The following DSCAM variants were observed in gnomAD, a reference collection of about 807,000 sequenced individuals.
DSCAM encodes DS cell adhesion molecule.
Under a neutral mutation model 217.7 loss-of-function variants are expected in DSCAM, and 47 were observed. The ratio of observed to expected loss-of-function variants is 0.22; its 90% CI spans 0.17 to 0.28. The LOEUF is 0.28. DSCAM is among the 10% of genes least tolerant of loss of function. DSCAM has a pLI of 1.00. For synonymous variants in DSCAM, 1,056 were observed against 1,015.3 expected (o/e 1.04, Z -0.76); for missense variants, 2,080 against 2,618.3 (o/e 0.79, Z 4.49).
At chr21:40,407,157 A>C (rs553172088) in intron 3 of DSCAM, among the ~76,000 whole-genome samples, 1 of 152,232 alleles carries the variant, frequency 6.6e-6, no homozygotes, top group Non-Finnish European at 1.5e-5. Context: ...ACCACAAAAA[A>C]TGAGTCTGCA....
intron 3 of DSCAM, among the ~76,000 whole-genome samples, chr21:40,591,272 C>T (rs764854309): frequency 8.5e-5 from 13 of 152,146 alleles, no homozygotes; most frequent in Non-Finnish European, 1.8e-4. Context: ...TTATTAATTA[C>T]CCAGTCTGGA....
At chr21:40,317,644 C>A (rs535787234) in intron 8 of DSCAM, among the ~76,000 whole-genome samples, 1 of 152,246 alleles carries the variant, frequency 6.6e-6, no homozygotes, top group Non-Finnish European at 1.5e-5. Context: ...ATTCTCCTGC[C>A]TCAGCCTCCC....
chr21:40,693,661 T>G (rs2090564878), intron 2 of DSCAM, among the ~76,000 whole-genome samples: 1 of 152,158 alleles, frequency 6.6e-6, no homozygotes, highest in African/African-American at 2.4e-5. Flanking sequence ...TTGAGAACTC[T>G]GAGACAATTA....
At chr21:40,705,999 T>C (rs918183145) in intron 2 of DSCAM, among the ~76,000 whole-genome samples, 4 of 151,634 alleles carry the variant, frequency 2.6e-5, no homozygotes, top group Non-Finnish European at 5.9e-5. Flanking sequence ...GCTAACACGG[T>C]GAAACCCCAT....
At chr21:40,028,714 A>G (rs1020717286) in intron 32 of DSCAM, among the ~76,000 whole-genome samples, 4 of 151,988 alleles carry the variant, frequency 2.6e-5, no homozygotes, top group African/African-American at 9.7e-5. Context: ...CGGCTCACGC[A>G]CAGTGTGCGC....
chr21:40,076,469 C>G (rs2089367572), intron 26 of DSCAM, among the ~76,000 whole-genome samples: 1 of 152,184 alleles, frequency 6.6e-6, no homozygotes, highest in South Asian at 2.1e-4. Context: ...ACAATAGAGG[C>G]TATCCATTCA....
intron 11 of DSCAM, among the ~76,000 whole-genome samples, chr21:40,256,074 T>C (rs1380727797): frequency 6.6e-6 from 1 of 152,194 alleles, no homozygotes; most frequent in African/African-American, 2.4e-5. Context: ...AGAAAACTAA[T>C]ACAGAAGGTA....
chr21:40,070,269 GGAGT>G (rs1217502700), intron 27 of DSCAM, among the ~76,000 whole-genome samples: 2 of 136,186 alleles, frequency 1.5e-5, no homozygotes, highest in East Asian at 2.5e-4. Context: ...AGGGAGGGAG[GGAGT>G]GAAGGAGGGA....
chr21:40,242,165 T>TA (rs574680228), intron 11 of DSCAM, among the ~76,000 whole-genome samples: 1,828 of 150,966 alleles, frequency 0.012, 15 homozygotes, highest in Middle Eastern at 0.027. Context: ...TTTTTTTTTT[T>TA]AAAAGAAAGA....
rs1337156908 is a variant in DSCAM at position 40,013,345 on chromosome 21, A to G, written c.5728T>C (p.Leu1910=). Residue 1910 remains leucine (L), a synonymous_variant, in exon 33 of 33, where the codon TTG becomes CTG. Coordinates refer to ENST00000400454, the MANE Select transcript of DSCAM (RefSeq NM_001389.5). ...HLPPYLRMDF[L]LNRGGPGTSR... ...GTGCCTGGACCACCTCGGTTTAACA[A>G]AAAGTCCATTCTAAGGTATGGAGGC... 1 of 1,602,130 alleles carries G rather than the reference A, an allele frequency of 6.2e-7. No individual in the cohort carries two copies. The highest frequency in any genetic ancestry group is 8.5e-7 in the Non-Finnish European group (1 of 1,174,908).
At chr21:40,468,721 T>C (rs2075864660) in intron 3 of DSCAM, among the ~76,000 whole-genome samples, 2 of 152,162 alleles carry the variant, frequency 1.3e-5, no homozygotes, top group African/African-American at 2.4e-5. Context: ...AACAGATTAT[T>C]GGGTATTTAA....
At chr21:40,075,436 G>A (rs1312265409) in intron 26 of DSCAM, among the ~76,000 whole-genome samples, 1 of 152,074 alleles carries the variant, frequency 6.6e-6, no homozygotes, top group South Asian at 2.1e-4. Context: ...GTTTGAAAAG[G>A]ACTTCATTTT....
intron 3 of DSCAM, among the ~76,000 whole-genome samples, chr21:40,387,528 G>A (rs2075097776): frequency 6.6e-6 from 1 of 152,154 alleles, no homozygotes; most frequent in Non-Finnish European, 1.5e-5. Context: ...AACATATAGT[G>A]ACTTCGCTTC....
intron 3 of DSCAM, among the ~76,000 whole-genome samples, chr21:40,437,371 A>C (rs916864689): frequency 2.0e-4 from 30 of 152,218 alleles, no homozygotes; most frequent in African/African-American, 7.2e-5. Context: ...ACTACTACTA[A>C]TAATAGTAAT....
chr21:40,458,612 G>A (rs1378805737), intron 3 of DSCAM, among the ~76,000 whole-genome samples: 1 of 152,088 alleles, frequency 6.6e-6, no homozygotes, highest in Non-Finnish European at 1.5e-5. Flanking sequence ...ACAGAATCAT[G>A]TTAGACCTAT....
At chr21:40,273,259 A>G (rs2837544) in intron 11 of DSCAM, among the ~76,000 whole-genome samples, 5,303 of 152,300 alleles carry the variant, frequency 0.035, 303 homozygotes, top group African/African-American at 0.12. Context: ...TGATAACTCT[A>G]TGAAGATGGC....
At chr21:40,727,578 C>T (rs1484376613) in intron 1 of DSCAM, among the ~76,000 whole-genome samples, 1 of 152,018 alleles carries the variant, frequency 6.6e-6, no homozygotes, top group Non-Finnish European at 1.5e-5. Flanking sequence ...TTAGCTGTAC[C>T]CTCAAAATAT....
rs141773069 is a variant in DSCAM at position 40,536,884 on chromosome 21, G to A, written c.508+155926C>T. ...TCGAATTTTAAAAACAAGTCCAGCC[G>A]TGACAGCTTTGAAGGCCAGAGGCAT... On this transcript the variant is annotated intron_variant, in intron 3 of 32. Coordinates refer to ENST00000400454, the MANE Select transcript of DSCAM (RefSeq NM_001389.5). 8.7e-3 allele frequency among the ~76,000 whole-genome samples: 1,330 copies of A among 152,282 alleles called. 14 individuals are homozygous for A. The highest frequency in any genetic ancestry group is 0.027 in the African/African-American group (1,123 of 41,562).
chr21:40,369,846 C>T (rs1339982142), intron 3 of DSCAM, among the ~76,000 whole-genome samples: 1 of 152,126 alleles, frequency 6.6e-6, no homozygotes, highest in Non-Finnish European at 1.5e-5. Context: ...CATATCAATT[C>T]TTCCCAGATT....
Sources: gnomAD v4.1 joint callset for allele counts (sites outside exome capture counted in the v4.1 genomes callset) on GRCh38, gnomAD v4.1.1 for gene constraint, MANE v1.5 for transcripts, NCBI Gene and HGNC (gene_info 2026-07-23, HGNC 2026-07-21) for gene names.